The following GRB10 variants were observed in gnomAD, a reference collection of about 807,000 sequenced individuals.
GRB10 encodes the protein growth factor receptor-bound protein 10.
Under a neutral mutation model 80.9 loss-of-function variants are expected in GRB10, and 20 were observed. That is an observed-to-expected ratio of 0.25 (90% confidence interval 0.17 to 0.36). The LOEUF is 0.36. Ranked by LOEUF, GRB10 falls within the 10% of genes least tolerant of loss-of-function variation. The pLI is 1.00. For synonymous variants in GRB10, 291 were observed against 291.5 expected (o/e 1.00, Z 0.02); for missense variants, 548 against 747.7 (o/e 0.73, Z 3.12).
intron 6 of GRB10, among the ~76,000 whole-genome samples, chr7:50,670,655 A>G (rs546138008): frequency 3.9e-5 from 6 of 152,232 alleles, no homozygotes; most frequent in African/African-American, 1.4e-4. Context: ...CTGATGTGTG[A>G]AAGTTTTCTG....
chr7:50,763,536 G>A (rs569708194), intron 2 of GRB10, among the ~76,000 whole-genome samples: 1 of 152,150 alleles, frequency 6.6e-6, no homozygotes, highest in Non-Finnish European at 1.5e-5. Context: ...AGACTCACAT[G>A]CATACACACG....
intron 4 of GRB10, among the ~76,000 whole-genome samples, chr7:50,728,550 T>G (rs2069060076): frequency 6.6e-6 from 1 of 152,200 alleles, no homozygotes; most frequent in Non-Finnish European, 1.5e-5. Flanking sequence ...AGGTTCATTC[T>G]AGCAGTCAGT....
intron 5 of GRB10, among the ~76,000 whole-genome samples, chr7:50,703,322 C>A (rs1344541051): frequency 6.6e-6 from 1 of 152,190 alleles, no homozygotes; most frequent in Non-Finnish European, 1.5e-5. Flanking sequence ...GCAAAGCTTC[C>A]ATTTATTCAA....
At chr7:50,722,820 C>T (rs1224766913) in intron 4 of GRB10, among the ~76,000 whole-genome samples, 3 of 152,100 alleles carry the variant, frequency 2.0e-5, no homozygotes, top group Non-Finnish European at 2.9e-5. Context: ...CCTCAATGTC[C>T]TCCTTGGGTA....
At chr7:50,621,187 T>C (rs899892913) in intron 8 of GRB10, among the ~76,000 whole-genome samples, 1 of 152,200 alleles carries the variant, frequency 6.6e-6, no homozygotes, top group Non-Finnish European at 1.5e-5. Flanking sequence ...CCTGTCTCCC[T>C]GCGCCTCCCC....
At chr7:50,714,895 G>A (rs142630064) in intron 4 of GRB10, among the ~76,000 whole-genome samples, 82 of 152,188 alleles carry the variant, frequency 5.4e-4, no homozygotes, top group African/African-American at 1.9e-3. Flanking sequence ...GATCAGGGCC[G>A]TAGGAGGCAC....
At chr7:50,644,920 G>A (rs1456104748) in intron 7 of GRB10, among the ~76,000 whole-genome samples, 1 of 152,184 alleles carries the variant, frequency 6.6e-6, no homozygotes, top group Non-Finnish European at 1.5e-5. Context: ...ATTCACAAAC[G>A]GTGAAGTCTG....
upstream of GRB10, among the ~76,000 whole-genome samples, chr7:50,783,147 G>A (rs902944245): frequency 2.6e-5 from 4 of 152,214 alleles, no homozygotes; most frequent in Admixed American, 6.5e-5. Flanking sequence ...CATCGCGGCC[G>A]CGGCAAGCTA....
intron 1 of GRB10, chr7:50,793,123 T>A (rs1473173599): frequency 7.0e-6 from 1 of 141,898 alleles, no homozygotes; most frequent in East Asian, 2.1e-4. Context: ...CGCCCAGCGC[T>A]CAGACAATGA....
chr7:50,757,044 C>T (rs960714407), intron 2 of GRB10, among the ~76,000 whole-genome samples: 2 of 152,122 alleles, frequency 1.3e-5, no homozygotes, highest in East Asian at 1.9e-4. Flanking sequence ...GAAAATGAAA[C>T]CTGCCCCTGC....
intron 11 of GRB10, among the ~76,000 whole-genome samples, chr7:50,615,246 A>G (rs1271324838): frequency 1.3e-5 from 2 of 152,234 alleles, no homozygotes; most frequent in Non-Finnish European, 2.9e-5. Context: ...TTGTGAGTCC[A>G]GAGTCCAACC....
chr7:50,699,139 G>A (rs1203360306), intron 5 of GRB10, among the ~76,000 whole-genome samples: 3 of 152,116 alleles, frequency 2.0e-5, no homozygotes, highest in Non-Finnish European at 4.4e-5. Flanking sequence ...CATTATATCT[G>A]CTTAGAGAAT....
chr7:50,647,539 T>C (rs1007953843), intron 7 of GRB10, among the ~76,000 whole-genome samples: 1 of 152,196 alleles, frequency 6.6e-6, no homozygotes, highest in Non-Finnish European at 1.5e-5. Context: ...ATAAAACCCC[T>C]TGACTTTATG....
At chr7:50,631,359 G>A (rs1189380550) in intron 7 of GRB10, among the ~76,000 whole-genome samples, 2 of 96,314 alleles carry the variant, frequency 2.1e-5, no homozygotes, top group Non-Finnish European at 4.5e-5. Context: ...CCTCCAGGGT[G>A]CACACACTGA....
intron 3 of GRB10, among the ~76,000 whole-genome samples, chr7:50,742,271 GCACACACACACACACACACA>G (rs55813195): frequency 6.4e-5 from 3 of 46,866 alleles, no homozygotes; most frequent in African/African-American, 1.2e-4. Context: ...ACGCGCGCGC[GCACACACACACACACACACA>G]CACACACACA....
intron 7 of GRB10, among the ~76,000 whole-genome samples, chr7:50,663,762 C>T (rs2059521628): frequency 6.6e-6 from 1 of 152,228 alleles, no homozygotes; most frequent in Non-Finnish European, 1.5e-5. Flanking sequence ...GGGCCATCAT[C>T]CCAGCTTGCT....
intron 2 of GRB10, among the ~76,000 whole-genome samples, chr7:50,766,853 C>T (rs1239943002): frequency 6.6e-6 from 1 of 152,152 alleles, no homozygotes; most frequent in African/African-American, 2.4e-5. Context: ...ACTGTGTGTT[C>T]TAGGTTTTCA....
At chr7:50,606,901 A>G (rs920732397) in intron 13 of GRB10, 1 of 175,294 alleles carries the variant, frequency 5.7e-6, no homozygotes, top group African/African-American at 2.4e-5. Context: ...CAAGCAATTT[A>G]AGTTTTTCTT....
chr7:50,662,468 G>A (rs569245414), intron 7 of GRB10, among the ~76,000 whole-genome samples: 1 of 152,332 alleles, frequency 6.6e-6, no homozygotes, highest in Admixed American at 6.5e-5. Context: ...CATTTGGGGG[G>A]TGATGCTTCA....
Sources: gnomAD v4.1 joint callset for allele counts (sites outside exome capture counted in the v4.1 genomes callset) on GRCh38, gnomAD v4.1.1 for gene constraint, MANE v1.5 for transcripts, NCBI Gene and HGNC (gene_info 2026-07-23, HGNC 2026-07-21) for gene names.